PPARG: variants seen among roughly 807,000 people sequenced by gnomAD.
PPARG encodes peroxisome proliferator activated receptor gamma.
PPARG carries 17 observed loss-of-function variants against 39.2 expected under a neutral mutation model. The ratio of observed to expected loss-of-function variants is 0.43; its 90% CI spans 0.30 to 0.65. The LOEUF is 0.65. PPARG is among the 30% of genes least tolerant of loss of function. The pLI is 0.13. For missense variants in PPARG, 406 were observed against 585.9 expected (o/e 0.69, Z 3.17); for synonymous variants, 223 against 215.7 (o/e 1.03, Z -0.30).
intron 5 of PPARG, among the ~76,000 whole-genome samples, chr3:12,393,767 A>G (rs1398861486): frequency 6.6e-6 from 1 of 152,102 alleles, no homozygotes; most frequent in Non-Finnish European, 1.5e-5. Context: ...AGCATCTGAG[A>G]AAATTAAATT....
chr3:12,384,736 C>T (rs1368584443), intron 4 of PPARG, among the ~76,000 whole-genome samples: 7 of 152,072 alleles, frequency 4.6e-5, no homozygotes, highest in African/African-American at 1.2e-4. Context: ...TTTTCACTTT[C>T]ATTCTCTCAG....
At chr3:12,289,841 C>CAT (rs1389585264) in intron 1 of PPARG, among the ~76,000 whole-genome samples, 6 of 152,120 alleles carry the variant, frequency 3.9e-5, no homozygotes, top group Non-Finnish European at 1.5e-5. Context: ...TATATCAAAA[C>CAT]ATTCTGTTCA....
chr3:12,300,501 A>C (rs1358423723), intron 1 of PPARG, among the ~76,000 whole-genome samples: 1 of 152,176 alleles, frequency 6.6e-6, no homozygotes, highest in East Asian at 1.9e-4. Context: ...TTTATCGTGA[A>C]CATTAAATTT....
intron 4 of PPARG, among the ~76,000 whole-genome samples, chr3:12,387,305 A>T (rs1013404652): frequency 3.3e-5 from 5 of 152,240 alleles, no homozygotes; most frequent in Admixed American, 2.6e-4. Context: ...ACTGTCTTCC[A>T]CAATGGTTGA....
intron 2 of PPARG, among the ~76,000 whole-genome samples, chr3:12,325,204 T>C (rs889971323): frequency 2.0e-5 from 3 of 152,140 alleles, no homozygotes; most frequent in African/African-American, 7.2e-5. Flanking sequence ...GCAGATCGCC[T>C]GAGGTCAGGA....
chr3:12,417,902 C>CCTTTTTT (rs2051130715), intron 7 of PPARG, among the ~76,000 whole-genome samples: 2 of 65,900 alleles, frequency 3.0e-5, no homozygotes, highest in African/African-American at 1.2e-4. Context: ...TTTTTTTTTC[C>CCTTTTTT]TTTTTTTTTT....
intron 5 of PPARG, among the ~76,000 whole-genome samples, chr3:12,401,562 A>G (rs1427786650): frequency 1.3e-5 from 2 of 152,122 alleles, no homozygotes; most frequent in South Asian, 2.1e-4. Flanking sequence ...ACGAAATAAT[A>G]AAACTGGCTT....
chr3:12,361,428 C>A (rs543048337), intron 2 of PPARG, among the ~76,000 whole-genome samples: 13 of 152,228 alleles, frequency 8.5e-5, no homozygotes, highest in African/African-American at 2.6e-4. Context: ...GAAAGCTTTG[C>A]CTACTCCAAG....
chr3:12,287,889 C>G (rs1417944711), upstream of PPARG: 6 of 142,988 alleles, frequency 4.2e-5, no homozygotes, highest in East Asian at 2.1e-4. Context: ...CGGCTCGGCC[C>G]GACCCGGCTC....
chr3:12,393,706 C>G (rs1418085317), intron 5 of PPARG, among the ~76,000 whole-genome samples: 3 of 151,992 alleles, frequency 2.0e-5, no homozygotes, highest in Non-Finnish European at 2.9e-5. Flanking sequence ...GTTTTCATCT[C>G]TCTCAAAACT....
Position 12,417,134 on chromosome 3 carries a change from C to G in PPARG, c.1160C>G (p.Ala387Gly). Reference sequence around the variant, plus strand: ...GACAGCGACTTGGCAATATTTATTGCTGTCATTATTCTCAGTGGAGGTAAG... The same window carrying G: ...GACAGCGACTTGGCAATATTTATTGGTGTCATTATTCTCAGTGGAGGTAAG... ...LDDSDLAIFIAVIILSGDRPG... is the reference protein window; with the variant it reads ...LDDSDLAIFIGVIILSGDRPG... The change falls in exon 7 of 8, where the codon GCT becomes GGT. Residue 387 changes from alanine (A) to glycine (G), a missense_variant. Physicochemically the swap from Ala to Gly is moderately conservative, Grantham distance 60. Transcript: ENST00000651735. 6.2e-7 allele frequency: 1 copy of G among 1,613,902 alleles called. No homozygotes were observed. The highest frequency in any genetic ancestry group is 1.3e-5 in the African/African-American group (1 of 75,000).
chr3:12,311,804 C>T (rs3112394), intron 1 of PPARG, among the ~76,000 whole-genome samples: 1,796 of 152,288 alleles, frequency 0.012, 17 homozygotes, highest in Non-Finnish European at 0.02. Flanking sequence ...CTCTCTGGTT[C>T]GTCCTCTGAA....
At chr3:12,396,604 A>G (rs1426976576) in intron 5 of PPARG, among the ~76,000 whole-genome samples, 1 of 152,002 alleles carries the variant, frequency 6.6e-6, no homozygotes, top group Admixed American at 6.6e-5. Context: ...TAAAACTACA[A>G]AAAATTAGTC....
intron 1 of PPARG, 38 bp downstream of exon 1, chr3:12,289,172 T>G (rs2046585853): frequency 6.6e-6 from 1 of 152,214 alleles, no homozygotes; most frequent in African/African-American, 2.4e-5. Flanking sequence ...TGTTGGAATG[T>G]GTTGGTGATA....
chr3:12,363,093 A>C (rs866365972), intron 2 of PPARG, among the ~76,000 whole-genome samples: 16 of 151,896 alleles, frequency 1.1e-4, no homozygotes, highest in African/African-American at 3.4e-4. Context: ...AATTTTTAAA[A>C]AATTGTTATA....
chr3:12,296,459 T>C (rs1242329639), intron 1 of PPARG, among the ~76,000 whole-genome samples: 1 of 152,048 alleles, frequency 6.6e-6, no homozygotes, highest in Non-Finnish European at 1.5e-5. Context: ...TGGTCCAAGA[T>C]GATTCTTGCA....
At chr3:12,394,998 C>T (rs954367973) in intron 5 of PPARG, among the ~76,000 whole-genome samples, 3 of 152,186 alleles carry the variant, frequency 2.0e-5, no homozygotes, top group Admixed American at 6.5e-5. Flanking sequence ...TATTTCTGCT[C>T]CCTGGTCTCT....
At chr3:12,377,116 A>G (rs1249948285) in intron 2 of PPARG, among the ~76,000 whole-genome samples, 2 of 152,238 alleles carry the variant, frequency 1.3e-5, no homozygotes, top group East Asian at 1.9e-4. Context: ...ACAAGTTCAC[A>G]TGAAGTGAAC....
chr3:12,308,212 C>T (rs1331531440), intron 1 of PPARG, among the ~76,000 whole-genome samples: 3 of 151,714 alleles, frequency 2.0e-5, no homozygotes, highest in East Asian at 1.9e-4. Context: ...GGTGTGATGG[C>T]GCACACATGT....
Sources: gnomAD v4.1 joint callset for allele counts (sites outside exome capture counted in the v4.1 genomes callset) on GRCh38, gnomAD v4.1.1 for gene constraint, MANE v1.5 for transcripts, NCBI Gene and HGNC (gene_info 2026-07-23, HGNC 2026-07-21) for gene names.